The following UNC13B variants were observed in gnomAD, a reference collection of about 807,000 sequenced individuals.
UNC13B encodes protein unc-13 homolog B.
In UNC13B, 144 loss-of-function variants were observed where a neutral mutation model predicts 211.0. That is an observed-to-expected ratio of 0.68 (90% confidence interval 0.60 to 0.78). UNC13B has a LOEUF of 0.78. UNC13B is among the 30% of genes least tolerant of loss of function. The pLI is 0.00. For synonymous variants in UNC13B, 709 were observed against 725.8 expected, an observed-to-expected ratio of 0.98 and a Z score of 0.37; for missense variants, 1,777 against 2,002.0, an observed-to-expected ratio of 0.89 and a Z score of 2.14.
At chr9:35,257,071 A>G (rs919448930) in intron 6 of UNC13B, among the ~76,000 whole-genome samples, 5 of 151,936 alleles carry the variant, frequency 3.3e-5, no homozygotes, top group South Asian at 2.1e-4. Flanking sequence ...GGTTATGTCT[A>G]TGTACTGTCT....
At position 35,397,169 on chromosome 9, in the gene UNC13B, C is replaced by T; in HGVS notation, c.11535C>T (p.Phe3845=). 1 of 1,613,978 alleles carries T rather than the reference C, an allele frequency of 6.2e-7. No individual in the cohort carries two copies. The highest frequency in any genetic ancestry group is 8.5e-7 in the Non-Finnish European group (1 of 1,179,942). Residue 3845 remains phenylalanine (F), a splice_region_variant and synonymous_variant, in exon 29 of 40, where the codon TTC becomes TTT. Coordinates refer to ENST00000635942, the MANE Select transcript of UNC13B (RefSeq NM_001371189.2). ...ACCCTGTGTGTGGTCTTCCTTAGTT[C>T]CAGCAGACATCAGAGCATGCACTCT... ...GALERDKKDG[F]QQTSEHALFS... is the part of the protein sequence containing the mutation.
intron 11 of UNC13B, chr9:35,351,738 TG>T (rs1832733860): frequency 8.1e-7 from 1 of 1,232,184 alleles, no homozygotes; most frequent in Non-Finnish European, 1.0e-6. Context: ...GATGGGGACC[TG>T]GCCCAGCTTT....
At chr9:35,393,475 G>T (rs1163369843) in intron 26 of UNC13B, among the ~76,000 whole-genome samples, 1 of 152,114 alleles carries the variant, frequency 6.6e-6, no homozygotes. Flanking sequence ...ACTTCAGAGG[G>T]TAGGGGAAGA....
intron 1 of UNC13B, among the ~76,000 whole-genome samples, chr9:35,220,554 A>G (rs1824514561): frequency 6.6e-6 from 1 of 152,256 alleles, no homozygotes; most frequent in South Asian, 2.1e-4. Flanking sequence ...TGTGCCTGGT[A>G]TAGTTCACAT....
chr9:35,305,986 A>AT lies in UNC13B; in HGVS notation c.6589dup (p.Ser2197PhefsTer4), dbSNP rs1431409661. On this transcript the variant is annotated frameshift_variant, in exon 9 of 40. Coordinates refer to ENST00000635942, the MANE Select transcript of UNC13B (RefSeq NM_001371189.2). LOFTEE classifies it high-confidence loss of function. ...CAGAAGGGCTATTCACACTTCCTTC[A>AT]TTTTTTTCCACTGCTAGCTCAAGCA... 4 of 398,816 alleles carry AT rather than the reference A, an allele frequency of 1.0e-5. No homozygotes were observed. Among genetic ancestry groups the AT allele is most frequent in the Non-Finnish European group, 1.8e-5 (4 of 226,024 alleles). The allele number at this position is 398,816 out of a possible 1,614,324, so 24.7% of individuals were successfully genotyped here. A position where few individuals can be genotyped will look rare whatever the true frequency, so the allele number is the denominator to read the frequency against.
chr9:35,310,788 A>C lies in UNC13B; in HGVS notation c.9323+7A>C. On this transcript the variant is annotated splice_region_variant and intron_variant, in intron 10 of 39. Coordinates refer to ENST00000635942, the MANE Select transcript of UNC13B (RefSeq NM_001371189.2). ...TCCTAGGTCCCCAGGAGAGGTAGGCAACAGCTGCCTTGAGGAGCTCACATG... is the reference window on the plus strand; with the variant it reads ...TCCTAGGTCCCCAGGAGAGGTAGGCCACAGCTGCCTTGAGGAGCTCACATG... 8 of 1,611,646 alleles carry C rather than the reference A, an allele frequency of 5.0e-6. No homozygotes were observed. The highest frequency in any genetic ancestry group is 6.8e-6 in the Non-Finnish European group (8 of 1,178,756).
At chr9:35,383,725 G>A (rs1835004250) in intron 21 of UNC13B, among the ~76,000 whole-genome samples, 1 of 152,130 alleles carries the variant, frequency 6.6e-6, no homozygotes, top group South Asian at 2.1e-4. Context: ...AAATGTGTGT[G>A]GAATGTGGTT....
intron 7 of UNC13B, among the ~76,000 whole-genome samples, chr9:35,279,138 T>G (rs1587528896): frequency 1.3e-5 from 2 of 152,198 alleles, no homozygotes; most frequent in East Asian, 3.8e-4. Flanking sequence ...ACCTGTCTAG[T>G]TCCAAAACAT....
intron 6 of UNC13B, among the ~76,000 whole-genome samples, chr9:35,248,338 T>C (rs899563485): frequency 1.3e-5 from 2 of 152,204 alleles, no homozygotes; most frequent in African/African-American, 4.8e-5. Flanking sequence ...TGAAGGGTTT[T>C]TTGTGTCTCT....
At chr9:35,207,022 T>A (rs1823693826) in intron 1 of UNC13B, among the ~76,000 whole-genome samples, 1 of 152,198 alleles carries the variant, frequency 6.6e-6, no homozygotes, top group South Asian at 2.1e-4. Context: ...TGTGTACATG[T>A]TCCTGTGTGG....
At chr9:35,340,666 T>C (rs1480197885) in intron 11 of UNC13B, among the ~76,000 whole-genome samples, 1 of 152,216 alleles carries the variant, frequency 6.6e-6, no homozygotes, top group African/African-American at 2.4e-5. Flanking sequence ...CACGTACTGT[T>C]GGCCTAAGGA....
chr9:35,321,332 C>T (rs1360431946), intron 11 of UNC13B, among the ~76,000 whole-genome samples: 2 of 152,072 alleles, frequency 1.3e-5, no homozygotes, highest in African/African-American at 4.8e-5. Flanking sequence ...GTGATCCTCC[C>T]ACCTCAGCCT....
At chr9:35,297,090 C>CTTTT (rs201558543) in intron 8 of UNC13B, among the ~76,000 whole-genome samples, 24 of 128,166 alleles carry the variant, frequency 1.9e-4, no homozygotes, top group Middle Eastern at 3.6e-3. Flanking sequence ...TTTTAAGAAG[C>CTTTT]TTTTTTTTTT....
intron 37 of UNC13B, among the ~76,000 whole-genome samples, chr9:35,401,081 C>T (rs988262714): frequency 6.6e-6 from 1 of 152,176 alleles, no homozygotes; most frequent in Admixed American, 6.5e-5. Flanking sequence ...AACACATCTG[C>T]ATAGATGTAG....
chr9:35,243,736 A>C (rs1440264735), intron 6 of UNC13B, among the ~76,000 whole-genome samples: 2 of 151,984 alleles, frequency 1.3e-5, no homozygotes, highest in Non-Finnish European at 2.9e-5. Context: ...GGATGTTTAG[A>C]CTATTGCATT....
At chr9:35,287,904 C>A (rs137858580) in intron 7 of UNC13B, among the ~76,000 whole-genome samples, 9 of 151,854 alleles carry the variant, frequency 5.9e-5, no homozygotes, top group Non-Finnish European at 1.3e-4. Context: ...AGTCAATATA[C>A]CTAACCCTGA....
In UNC13B at chr9:35,396,716, C is replaced by T. The variant is rs1018499414; in HGVS notation, c.11435+114C>T. 2.2e-5 allele frequency: 35 copies of T among 1,595,330 alleles called. No individual in the cohort carries two copies. In the African/African-American group the frequency reaches 3.0e-4, roughly 13 times the overall value. On this transcript the variant is annotated intron_variant, in intron 27 of 39. Transcript: ENST00000635942. ...CGGGGACTGCCTGTTCAGGTACCAC[C>T]GTAGACAAAGAAAAGTGTTAAACTG...
intron 7 of UNC13B, among the ~76,000 whole-genome samples, chr9:35,272,469 G>T (rs1356387122): frequency 1.3e-5 from 2 of 151,990 alleles, no homozygotes; most frequent in African/African-American, 4.8e-5. Flanking sequence ...TGTTGGCCAG[G>T]CTGGCCTCGA....
At chr9:35,261,568 G>A (rs999624238) in intron 7 of UNC13B, among the ~76,000 whole-genome samples, 2 of 151,848 alleles carry the variant, frequency 1.3e-5, no homozygotes, top group Non-Finnish European at 2.9e-5. Flanking sequence ...TCACATCAAG[G>A]TAAATGGGGT....
Sources: gnomAD v4.1 joint callset for allele counts (sites outside exome capture counted in the v4.1 genomes callset) on GRCh38, gnomAD v4.1.1 for gene constraint, MANE v1.5 for transcripts, NCBI Gene and HGNC (gene_info 2026-07-23, HGNC 2026-07-21) for gene names.